Variants in KIDINS220 observed in about 807,000 individuals in gnomAD.
KIDINS220 encodes the protein kinase D-interacting substrate of 220 kDa.
In KIDINS220, 63 loss-of-function variants were observed where a neutral mutation model predicts 157.6. The observed-to-expected ratio is 0.40, with a 90% confidence interval of 0.33 to 0.49. The LOEUF is 0.49. Ranked by LOEUF, KIDINS220 falls within the 20% of genes least tolerant of loss-of-function variation. The pLI, the probability that KIDINS220 is intolerant of heterozygous loss-of-function variation, is 0.66. For synonymous variants in KIDINS220, 732 were observed against 783.6 expected (o/e 0.93, Z 1.10); for missense variants, 1,772 against 2,171.2 (o/e 0.82, Z 3.65).
In KIDINS220 at chr2:8,731,357, G is replaced by C. The variant is rs773570658; in HGVS notation, c.4679C>G (p.Ala1560Gly). 1 of 1,614,104 alleles carries C rather than the reference G, an allele frequency of 6.2e-7. No homozygotes were observed. The highest frequency in any genetic ancestry group is 8.5e-7 in the Non-Finnish European group (1 of 1,180,058). The change falls in exon 30 of 30, where the codon GCT (alanine) becomes GGT (glycine). Residue 1560 changes from alanine to glycine, a missense_variant. By Grantham distance (60) the Ala-to-Gly change is moderately conservative. Transcript: ENST00000256707. This position sits in a 1 kb window ranked among gnomAD's most constrained non-coding sequence, Gnocchi z 5.2. The stretch of plus-strand genomic sequence containing the variant: ...TTTAATGAAGGTTCTGATCGGCTCA[G>C]CACTGTGTTCTGGAGACTTCGGCAC... ...ERVPKSPEHS[A>G]EPIRTFIKAK...
chr2:8,821,674 A>G (rs1677978231), intron 2 of KIDINS220, among the ~76,000 whole-genome samples: 3 of 152,222 alleles, frequency 2.0e-5, no homozygotes, highest in Non-Finnish European at 4.4e-5. Flanking sequence ...TGTTCCATGC[A>G]CTACAAAGCA....
intron 4 of KIDINS220, among the ~76,000 whole-genome samples, chr2:8,814,614 T>C (rs1558478039): frequency 6.6e-6 from 1 of 152,220 alleles, no homozygotes; most frequent in Non-Finnish European, 1.5e-5. Context: ...ACCACAGTTA[T>C]GGTAGTAACT....
At chr2:8,824,027 G>A (rs1169001105) in intron 2 of KIDINS220, among the ~76,000 whole-genome samples, 2 of 150,144 alleles carry the variant, frequency 1.3e-5, no homozygotes, top group Non-Finnish European at 3.0e-5. Context: ...AAGTCAAATA[G>A]AGCAAAGTTC....
chr2:8,794,432 A>G (rs1170699649), intron 11 of KIDINS220: 1 of 154,806 alleles, frequency 6.5e-6, no homozygotes, highest in Non-Finnish European at 1.4e-5. Context: ...CCATGCGGAC[A>G]GCCATCTAAC....
intron 17 of KIDINS220, 72 bp downstream of exon 17, chr2:8,785,669 A>G (rs1672297375): frequency 2.3e-6 from 3 of 1,314,394 alleles, no homozygotes; most frequent in Non-Finnish European, 3.2e-6. Flanking sequence ...TGTACTTCCT[A>G]AAGCCCAAAT....
intron 10 of KIDINS220, 53 bp from the exon 11 acceptor site, chr2:8,796,922 T>C (rs1228793814): frequency 5.6e-6 from 7 of 1,260,362 alleles, no homozygotes; most frequent in African/African-American, 1.5e-5. Context: ...CTCCTGTGTT[T>C]ATGTCATACA....
intron 26 of KIDINS220, among the ~76,000 whole-genome samples, chr2:8,742,126 CACTTTTTTTTTTGAG>C (rs1665712858): frequency 6.6e-6 from 1 of 152,066 alleles, no homozygotes; most frequent in African/African-American, 2.4e-5. Flanking sequence ...AGGTGAGCCC[CACTTTTTTTTTTGAG>C]ACAAGGTCTG....
rs969800633 is a variant in KIDINS220, at chr2:8,751,268, T to G, written c.3190+198A>C. 2.2e-4 allele frequency among the ~76,000 whole-genome samples: 33 copies of G among 151,976 alleles called. 1 individual carries two copies. The highest frequency in any genetic ancestry group is 4.6e-4 in the African/African-American group (19 of 41,528). On this transcript the variant is annotated intron_variant, in intron 23 of 29. Transcript: ENST00000256707. ...CTAACAGGATTTTCTTTTTTTTTTTTTTTGTTTTTGTTTTTCTTAACATTC... is the reference window on the plus strand; with the variant it reads ...CTAACAGGATTTTCTTTTTTTTTTTGTTTGTTTTTGTTTTTCTTAACATTC...
At chr2:8,824,053 C>G (rs1678397759) in intron 2 of KIDINS220, among the ~76,000 whole-genome samples, 1 of 151,034 alleles carries the variant, frequency 6.6e-6, no homozygotes, top group South Asian at 2.1e-4. Flanking sequence ...TGGACTCTAC[C>G]AAATAATATC....
intron 9 of KIDINS220, 25 bp downstream of exon 9, chr2:8,800,375 G>C: frequency 1.4e-6 from 2 of 1,418,444 alleles, no homozygotes; most frequent in Non-Finnish European, 2.0e-6. Flanking sequence ...CTCTAAGATA[G>C]CAACTGCACT....
At chr2:8,825,246 G>A (rs1289191102) in intron 2 of KIDINS220, among the ~76,000 whole-genome samples, 4 of 151,836 alleles carry the variant, frequency 2.6e-5, no homozygotes, top group South Asian at 4.2e-4. Flanking sequence ...GGTGGCGCAC[G>A]ACTGTAGTCC....
rs1663761790 is a variant in KIDINS220 at position 8,729,650 on chromosome 2, C to T, written c.*1070G>A. On this transcript the variant is annotated 3_prime_UTR_variant, in exon 30 of 30. Transcript: ENST00000256707. Reference sequence around the variant, plus strand: ...CCAAATTTTTTTTTAAAAAGTATTTCCTTTCTTATGATCCTTCCCCAGAAC... The same window carrying T: ...CCAAATTTTTTTTTAAAAAGTATTTTCTTTCTTATGATCCTTCCCCAGAAC... 1.0e-6 allele frequency: 1 copy of T among 983,704 alleles called. No individual in the cohort carries two copies. The highest frequency in any genetic ancestry group is 1.1e-4 in the East Asian group (1 of 8,802). 60.9% of individuals were successfully genotyped at this position (983,704 alleles called of 1,614,324 possible).
Position 8,798,319 on chromosome 2 carries a change from C to T in KIDINS220, c.901-19G>A. 7.7e-7 allele frequency: 1 copy of T among 1,295,562 alleles called. No homozygotes were observed. The highest frequency in any genetic ancestry group is 1.1e-6 in the Non-Finnish European group (1 of 893,194). The allele number at this position is 1,295,562 out of a possible 1,614,324, so 80.3% of individuals were successfully genotyped here. The stretch of plus-strand genomic sequence containing the variant: ...TATTATCCTAGATAATTAAAAAAAA[C>T]ACAATCACTTCATGTAAGATACAAT... On this transcript the variant is annotated intron_variant, in intron 9 of 29. Transcript: ENST00000256707.
At chr2:8,784,152 T>C (rs1388201910) in intron 17 of KIDINS220, among the ~76,000 whole-genome samples, 1 of 145,548 alleles carries the variant, frequency 6.9e-6, no homozygotes, top group Non-Finnish European at 1.5e-5. Context: ...ATGCAAGAAA[T>C]AGCGTTTTTA....
chr2:8,740,662 T>C (rs1665499381), intron 26 of KIDINS220, among the ~76,000 whole-genome samples: 1 of 152,218 alleles, frequency 6.6e-6, no homozygotes, highest in Non-Finnish European at 1.5e-5. Flanking sequence ...TTTTGCTTCT[T>C]TGGGTATGTG....
intron 6 of KIDINS220, among the ~76,000 whole-genome samples, chr2:8,810,077 GTGCCCAGTTCGTCTCTGC>G (rs1237803935): frequency 1.3e-5 from 2 of 152,070 alleles, no homozygotes; most frequent in African/African-American, 4.8e-5. Context: ...CATTTTCCCT[GTGCCCAGTTCGTCTCTGC>G]TCCTCCTCTC....
At position 8,731,544 on chromosome 2, in the gene KIDINS220, C is replaced by T; in HGVS notation, c.4492G>A (p.Glu1498Lys). The part of the protein sequence containing the change: ...SKLLPGKKSS[E>K]RSSLFQTDLK... ...TCTGTCTGGAAGAGGCTTGACCTTT[C>T]GGAAGATTTCTTGCCTGGGAGAAGC... The change falls in exon 30 of 30, where the codon GAA becomes AAA. Residue 1498 changes from glutamate (E) to lysine (K), a missense_variant. Coordinates refer to ENST00000256707, the MANE Select transcript of KIDINS220 (RefSeq NM_020738.4). This position sits in a 1 kb window ranked among gnomAD's most constrained non-coding sequence, Gnocchi z 5.2. The T allele has an allele frequency of 1.2e-6, 2 of 1,614,150 alleles. No individual in the cohort carries two copies. The highest frequency in any genetic ancestry group is 1.7e-6 in the Non-Finnish European group (2 of 1,180,024).
intron 26 of KIDINS220, among the ~76,000 whole-genome samples, chr2:8,742,652 T>C (rs540361586): frequency 2.6e-5 from 4 of 152,228 alleles, no homozygotes; most frequent in Admixed American, 1.3e-4. Context: ...AGGTAACGAG[T>C]AAACCCTGTA....
At chr2:8,830,251 A>C (rs1341823493) in intron 1 of KIDINS220, among the ~76,000 whole-genome samples, 3 of 152,238 alleles carry the variant, frequency 2.0e-5, no homozygotes, top group African/African-American at 7.2e-5. Flanking sequence ...TATTTGAAGG[A>C]TAATGGTTTA....
Sources: gnomAD v4.1 joint callset for allele counts (sites outside exome capture counted in the v4.1 genomes callset) on GRCh38, gnomAD v4.1.1 for gene constraint, Gnocchi (gnomAD v3.1) non-coding constraint, MANE v1.5 for transcripts, NCBI Gene and HGNC (gene_info 2026-07-23, HGNC 2026-07-21) for gene names.